Variants in CACNA1F observed in about 807,000 individuals in gnomAD.
CACNA1F encodes voltage-dependent L-type calcium channel subunit alpha-1F.
A neutral mutation model predicts 143.8 loss-of-function variants in CACNA1F; 59 were observed. The observed-to-expected ratio is 0.41, with a 90% CI of 0.33 to 0.51. CACNA1F has a LOEUF of 0.51. Ranked by LOEUF, CACNA1F falls within the 20% of genes least tolerant of loss-of-function variation. The pLI is 0.22. For missense variants in CACNA1F, 1,411 were observed against 1,647.5 expected (o/e 0.86, Z 2.48); for synonymous variants, 643 against 649.1 (o/e 0.99, Z 0.14).
chrX:49,226,586 A>C, intron 10 of CACNA1F, 24 bp downstream of exon 10: 3 of 1,166,926 alleles, frequency 2.6e-6, no homozygotes, highest in Non-Finnish European at 3.4e-6. Flanking sequence ...ACCCACCCCC[A>C]CCCCAGCCTG....
chrX:49,223,574 C>T (rs1286361043), intron 14 of CACNA1F, among the ~76,000 whole-genome samples: 4 of 67,810 alleles, frequency 5.9e-5, no homozygotes, highest in Non-Finnish European at 7.4e-5. Context: ...CCAGCCTGGG[C>T]GATAGACAGA....
In CACNA1F at chrX:49,230,311, C is replaced by A; in HGVS notation, c.726G>T (p.Leu242=). The A allele has an allele frequency of 2.5e-6, 3 of 1,207,451 alleles. No homozygotes were observed. Among genetic ancestry groups the A allele is most frequent in the Non-Finnish European group, 3.4e-6 (3 of 892,377 alleles). ...KALVPLLHIA[L]LVLFVIIIYA... ...AAATGATGATGACGAAGAGCACGAG[C>A]AGTGCAATGTGCAGCAGCGGCACCA... Residue 242 remains leucine (L), a synonymous_variant, in exon 6 of 48, where the codon CTG becomes CTT. Transcript: ENST00000323022.
Position 49,209,616 on chromosome X carries a change from C to T in CACNA1F, c.4821+13G>A. The T allele has an allele frequency of 8.3e-7, 1 of 1,209,894 alleles. No individual in the cohort carries two copies. The highest frequency in any genetic ancestry group is 2.3e-4 in the Middle Eastern group (1 of 4,349). ...CACACGTGCCCATCCACACTAGGCCCTGCCCCGAAGACCTGAAGGGCGGAA... is the reference window on the plus strand; with the variant it reads ...CACACGTGCCCATCCACACTAGGCCTTGCCCCGAAGACCTGAAGGGCGGAA... On this transcript the variant is annotated intron_variant, in intron 41 of 47. Coordinates refer to ENST00000323022, the MANE Select transcript of CACNA1F (RefSeq NM_001256789.3).
At chrX:49,213,960 G>A in intron 30 of CACNA1F, 58 bp from the exon 31 acceptor site, 3 of 902,995 alleles carry the variant, frequency 3.3e-6, no homozygotes, top group Admixed American at 4.8e-5. Context: ...CCAGGGTAGG[G>A]GGCCAGTAGT....
rs144131971 is a variant in CACNA1F at position 49,212,679 on chromosome X, G to T, written c.3930C>A (p.Ile1310=). 8.0e-4 allele frequency: 969 copies of T among 1,207,928 alleles called. No individual in the cohort carries two copies. The highest frequency in any genetic ancestry group is 1.0e-3 in the Non-Finnish European group (927 of 893,782). The change falls in exon 33 of 48, where the codon ATC becomes ATA. Residue 1310 remains isoleucine, a synonymous_variant. Coordinates refer to ENST00000323022, the MANE Select transcript of CACNA1F (RefSeq NM_001256789.3). ...GGTAGGGGATTACCTGGAAGGACTT[G>T]ATGAATGTCCAGAGCAATGTGCGGA... ...EGIRTLLWTF[I]KSFQALPYVA...
At chrX:49,222,424 AG>A (rs2065782385) in intron 17 of CACNA1F, 97 bp downstream of exon 17, 5 of 639,534 alleles carry the variant, frequency 7.8e-6, no homozygotes, top group African/African-American at 6.5e-5. Context: ...GGGGATTACC[AG>A]GGTGACTAGA....
rs2147902968 is a variant in CACNA1F at position 49,215,440 on chromosome X, C to A, written c.3340G>T (p.Ala1114Ser). Residue 1114 changes from alanine (A) to serine (S), a missense_variant, in exon 28 of 48, where the codon GCG becomes TCG. Ala to Ser is a moderately conservative substitution (Grantham distance 99, BLOSUM62 1). Around this residue, in one of 3 missense-constraint regions of CACNA1F, gnomAD observed 950 missense variants for 1,128.1 expected, o/e 0.84. Transcript: ENST00000323022. Reference sequence around the variant, plus strand: ...ACGAAGATGTTCATCATGAAGAACGCAATGATGATGATGTAGACAATGAAG... The same window carrying A: ...ACGAAGATGTTCATCATGAAGAACGAAATGATGATGATGTAGACAATGAAG... ...VFFIVYIIII[A>S]FFMMNIFVGF... 3 of 1,203,064 alleles carry A rather than the reference C, an allele frequency of 2.5e-6. No homozygotes were observed. The highest frequency in any genetic ancestry group is 3.4e-6 in the Non-Finnish European group (3 of 888,515).
intron 13 of CACNA1F, among the ~76,000 whole-genome samples, chrX:49,225,525 G>A (rs782098785): frequency 9.0e-6 from 1 of 111,121 alleles, no homozygotes; most frequent in African/African-American, 3.3e-5. Flanking sequence ...GTGATGATAA[G>A]AGCCTGGATT....
At position 49,218,942 on chromosome X, in the gene CACNA1F, C is replaced by T; in HGVS notation, c.2674-1G>A. 1.7e-6 allele frequency: 2 copies of T among 1,203,605 alleles called. No individual in the cohort carries two copies. Among genetic ancestry groups the T allele is most frequent in the Non-Finnish European group, 2.3e-6 (2 of 888,881 alleles). On this transcript the variant is annotated splice_acceptor_variant, in intron 21 of 47. Coordinates refer to ENST00000323022, the MANE Select transcript of CACNA1F (RefSeq NM_001256789.3). LOFTEE classifies it high-confidence loss of function. Reference sequence around the variant, plus strand: ...AGGCATAATCGAAGTAACCCAGAATCTGGGGTGTGAGAAAGAGCGGGGAGC... The same window carrying T: ...AGGCATAATCGAAGTAACCCAGAATTTGGGGTGTGAGAAAGAGCGGGGAGC...
chrX:49,228,470 G>A (rs782123574), intron 6 of CACNA1F, 23 bp from the exon 7 acceptor site: 7 of 1,163,730 alleles, frequency 6.0e-6, no homozygotes, highest in Middle Eastern at 2.6e-4. Flanking sequence ...TGGAGCTTGG[G>A]GCTTCGAAGC....
At position 49,228,548 on chromosome X, in the gene CACNA1F, T is replaced by G. The variant is rs1182256206; in HGVS notation, c.818-101A>C. The stretch of plus-strand genomic sequence containing the variant: ...TAGGAAGCTCGACTTGGGTCCTAGA[T>G]TTTTCTCTTTCTCTCTTTCTTTCTT... On this transcript the variant is annotated intron_variant, in intron 6 of 47. Transcript: ENST00000323022. 7 of 632,087 alleles carry G rather than the reference T, an allele frequency of 1.1e-5. No homozygotes were observed. The African/African-American group carries it at 1.6e-4, about 14-fold the overall frequency. 52.1% of individuals were successfully genotyped at this position (632,087 alleles called of 1,213,427 possible).
Position 49,205,641 on chromosome X carries a change from C to T in CACNA1F, c.5645G>A (p.Gly1882Asp). The T allele has an allele frequency of 8.3e-7, 1 of 1,204,669 alleles. No individual in the cohort carries two copies. The change falls in exon 47 of 48, where the codon GGC becomes GAC. Residue 1882 changes from glycine to aspartate, a missense_variant. By Grantham distance (94) the Gly-to-Asp change is moderately conservative. Around this residue, in one of 3 missense-constraint regions of CACNA1F, gnomAD observed 349 missense variants for 350.2 expected, o/e 1.00. Transcript: ENST00000323022. ...AGCCTCCACCAAGCTGTCGGCACTG[C>T]CCCTCTTCCCATGGCTGGGGTCCGA... ...THSDPSHGKR[G>D]SADSLVEAVL...
In CACNA1F at chrX:49,206,521, T is replaced by C. The variant is rs1196074529; in HGVS notation, c.5462A>G (p.Asn1821Ser). The change falls in exon 46 of 48, where the codon AAT (asparagine) becomes AGT (serine). Residue 1821 changes from asparagine to serine, a missense_variant. This residue lies in a region of CACNA1F where 349 missense variants were observed against 350.2 expected (regional missense o/e 1.00). Coordinates refer to ENST00000323022, the MANE Select transcript of CACNA1F (RefSeq NM_001256789.3). ...CCTCCACAGCCTCACCTGAGCCCTATTGGGCCCTGAATTTCGCCCACGATG... is the reference window on the plus strand; with the variant it reads ...CCTCCACAGCCTCACCTGAGCCCTACTGGGCCCTGAATTTCGCCCACGATG... ...TYHRGRNSGP[N>S]RAQGSWATPP... The C allele has an allele frequency of 5.8e-6, 7 of 1,197,495 alleles. No homozygotes were observed. Among genetic ancestry groups the C allele is most frequent in the Non-Finnish European group, 7.9e-6 (7 of 883,030 alleles).
chrX:49,209,063 G>T, intron 42 of CACNA1F, 199 bp downstream of exon 42: 1 of 458,643 alleles, frequency 2.2e-6, no homozygotes, highest in Non-Finnish European at 3.7e-6. Context: ...TAGGGTTCAA[G>T]CGATCCTTCC....
At chrX:49,211,549 G>A in intron 35 of CACNA1F, 68 bp from the exon 36 acceptor site, 1 of 928,474 alleles carries the variant, frequency 1.1e-6, no homozygotes. Context: ...ATGGAGTTGG[G>A]GGAGGACTGG....
intron 24 of CACNA1F, 83 bp from the exon 25 acceptor site, chrX:49,218,088 G>T: frequency 1.5e-6 from 1 of 689,411 alleles, no homozygotes; most frequent in Non-Finnish European, 2.3e-6. Context: ...AGATGCAGCT[G>T]AGGGACTTGG....
intron 16 of CACNA1F, 41 bp downstream of exon 16, chrX:49,222,677 C>G (rs201068294): frequency 8.3e-7 from 1 of 1,210,545 alleles, no homozygotes; most frequent in Admixed American, 2.2e-5. Flanking sequence ...TTACCCACCC[C>G]GACTCCACCA....
chrX:49,219,329 G>A lies in CACNA1F; in HGVS notation c.2665C>T (p.Arg889Cys), dbSNP rs144099880. 26 of 1,206,410 alleles carry A rather than the reference G, an allele frequency of 2.2e-5. No homozygotes were observed. Among genetic ancestry groups the A allele is most frequent in the African/African-American group, 7.0e-5 (4 of 56,905 alleles). Residue 889 changes from arginine to cysteine, a missense_variant, in exon 21 of 48, where the codon CGC becomes TGC. By Grantham distance (180) the Arg-to-Cys change is radical. Transcript: ENST00000323022. ...CCCAGCCAAAGGCTCACATGGTTGC[G>A]GAAGGAGTGGGCTCGGATGGGGTCC... ...AEDPIRAHSF[R>C]NHILGYFDYA...
chrX:49,215,019 T>C, intron 29 of CACNA1F, 67 bp downstream of exon 29: 1 of 1,027,051 alleles, frequency 9.7e-7, no homozygotes, highest in East Asian at 3.0e-5. Context: ...TTCCCAATGG[T>C]TCCCAAGGGA....
Sources: allele counts gnomAD v4.1 joint callset (sites outside exome capture counted in the v4.1 genomes callset), GRCh38; gene constraint gnomAD v4.1.1; regional missense constraint gnomAD v4.1.1; transcripts MANE v1.5; gene names NCBI Gene and HGNC (gene_info 2026-07-23, HGNC 2026-07-21).